The following SEC16B variants were observed in gnomAD, a reference collection of about 807,000 sequenced individuals.
SEC16B encodes the protein protein transport protein Sec16B.
In SEC16B, 115 loss-of-function variants were observed where a neutral mutation model predicts 141.8. The observed-to-expected ratio is 0.81, with a 90% CI of 0.70 to 0.95. The LOEUF is 0.95. SEC16B is among the 40% of genes least tolerant of loss of function. SEC16B has a pLI of 0.00. For missense variants in SEC16B, 1,291 were observed against 1,312.3 expected (o/e 0.98, Z 0.25); for synonymous variants, 493 against 492.5 (o/e 1.00, Z -0.01).
At chr1:177,965,791 C>G in intron 3 of SEC16B, 102 bp downstream of exon 3, 2 of 650,464 alleles carry the variant, frequency 3.1e-6, no homozygotes, top group Non-Finnish European at 5.3e-6. Flanking sequence ...AAAGGATGCC[C>G]AAGGTGAGGG....
At chr1:177,933,108 G>T in intron 22 of SEC16B, 106 bp downstream of exon 22, 3 of 872,246 alleles carry the variant, frequency 3.4e-6, no homozygotes, top group Non-Finnish European at 5.4e-6. Context: ...GTCTCATGTG[G>T]CCTGGGGTAG....
chr1:177,940,736 G>A, intron 16 of SEC16B, 22 bp from the exon 17 acceptor site: 2 of 1,563,396 alleles, frequency 1.3e-6, no homozygotes, highest in African/African-American at 1.3e-5. Flanking sequence ...TTCCAGATGG[G>A]TTAGGGGCAG....
chr1:177,942,207 A>T (rs997603297), intron 15 of SEC16B, among the ~76,000 whole-genome samples, 167 bp from the exon 16 acceptor site: 15 of 152,136 alleles, frequency 9.9e-5, no homozygotes, highest in African/African-American at 3.6e-4. Context: ...CACGGGCACA[A>T]CTCCAAATCC....
rs12129817 is a variant in SEC16B, at chr1:177,954,305, T to G, written c.1437A>C (p.Pro479=). 350,035 of 1,568,562 alleles carry G rather than the reference T, an allele frequency of 0.22. 40,285 individuals are homozygous for G. Among genetic ancestry groups the G allele is most frequent in the Non-Finnish European group, 0.23 (269,925 of 1,155,770 alleles). Residue 479 remains proline (P), a synonymous_variant, in exon 11 of 26, where the codon CCA becomes CCC. Transcript: ENST00000308284. ...CACTCATGACCCAGCTGTAGGTCTG[T>G]GGGTCCATCTTGCTGGACAGGAACA... is the stretch of plus-strand genomic sequence containing the variant. ...HALFLSSKMD[P]QTYSWVMSGF...
Position 177,944,624 on chromosome 1 carries a change from C to T in SEC16B, c.1818G>A (p.Arg606=). 1.2e-6 allele frequency: 2 copies of T among 1,613,816 alleles called. No homozygotes were observed. The highest frequency in any genetic ancestry group is 8.5e-7 in the Non-Finnish European group (1 of 1,179,806). The change falls in exon 15 of 26, where the codon AGG becomes AGA. Residue 606 remains arginine (R), a synonymous_variant. Transcript: ENST00000308284. ...LKFATTEAIQ[R]TEIFEYCQML... is the part of the protein sequence containing the mutation. ...TCTGACAGTACTCGAAGATTTCCGT[C>T]CTCTGGATTGCCTCAGTTGTTGCAA...
intron 1 of SEC16B, among the ~76,000 whole-genome samples, chr1:177,981,443 C>T (rs1466601778): frequency 6.6e-6 from 1 of 152,168 alleles, no homozygotes; most frequent in African/African-American, 2.4e-5. Flanking sequence ...ATGTTTCTCA[C>T]TGGGTTGACT....
rs1344038412 is a variant in SEC16B at position 177,960,356 on chromosome 1, T to C, written c.984A>G (p.Ser328=). ...SEEQEEMRSF[S]GPLIREDVHK... is the part of the protein sequence containing the mutation. ...CAGCACTATACCTAATCAAGGGTCC[T>C]GAGAAACTTCTCATCTCCTCTTGCT... The change falls in exon 8 of 26, where the codon TCA becomes TCG. Residue 328 remains serine (S), a synonymous_variant. Coordinates refer to ENST00000308284, the MANE Select transcript of SEC16B (RefSeq NM_033127.4). 2 of 1,602,964 alleles carry C rather than the reference T, an allele frequency of 1.2e-6. No individual in the cohort carries two copies. The highest frequency in any genetic ancestry group is 1.7e-5 in the Admixed American group (1 of 59,504).
chr1:177,962,548 G>A (rs956215981), intron 5 of SEC16B, among the ~76,000 whole-genome samples: 11 of 149,738 alleles, frequency 7.3e-5, no homozygotes. Flanking sequence ...ACCCCAAATT[G>A]CAACATAGCA....
upstream of SEC16B, among the ~76,000 whole-genome samples, chr1:177,974,917 A>T (rs2102021383): frequency 6.6e-6 from 1 of 152,330 alleles, no homozygotes; most frequent in Non-Finnish European, 1.5e-5. Flanking sequence ...CAAAAGTTAA[A>T]CCTAGCCGAG....
Position 177,944,754 on chromosome 1 carries a change from C to A in SEC16B, c.1776-88G>T, listed in dbSNP as rs1296890233. 22 of 1,078,928 alleles carry A rather than the reference C, an allele frequency of 2.0e-5. No homozygotes were observed. The Admixed American group carries it at 4.1e-4, about 20-fold the overall frequency. The allele number at this position is 1,078,928 out of a possible 1,614,324, so 66.8% of individuals were successfully genotyped here. A position where few individuals can be genotyped will look rare whatever the true frequency, so the allele number is the denominator to read the frequency against. ...GTGGCTCTCCAAACACCAGCTGCAG[C>A]CTTTCATGGGGGAGTTTCCATCCTG... On this transcript the variant is annotated intron_variant, in intron 14 of 25. Transcript: ENST00000308284.
intron 20 of SEC16B, among the ~76,000 whole-genome samples, chr1:177,935,695 G>A (rs1650785720): frequency 6.6e-6 from 1 of 150,738 alleles, no homozygotes; most frequent in Non-Finnish European, 1.5e-5. Context: ...ATTAAAGTTT[G>A]TTAAGACCTG....
Position 177,940,218 on chromosome 1 carries a change from G to T in SEC16B, c.2127+392C>A, listed in dbSNP as rs558103428. ...AGAACAAAAAGGAAAAGGCCCGGAA[G>T]TCTTTTAAGCAATTGCCCCACATTA... is the stretch of plus-strand genomic sequence containing the variant. On this transcript the variant is annotated intron_variant, in intron 17 of 25. Transcript: ENST00000308284. Among the ~76,000 whole-genome samples, 38 of 152,340 alleles carry T rather than the reference G, an allele frequency of 2.5e-4. 1 individual carries two copies. Among genetic ancestry groups the T allele is most frequent in the Middle Eastern group, 6.8e-3 (2 of 294 alleles).
chr1:177,929,704 C>A lies in SEC16B; in HGVS notation c.*154G>T. On this transcript the variant is annotated 3_prime_UTR_variant, in exon 26 of 26. Transcript: ENST00000308284. ...TGAATTGTGCTGTGTCTTGAGAGAT[C>A]CTGTCCTCTTGCCTTCTAAGTGCCC... The A allele has an allele frequency of 2.9e-6, 2 of 688,170 alleles. No homozygotes were observed. Among genetic ancestry groups the A allele is most frequent in the East Asian group, 2.7e-5 (1 of 36,752 alleles). The allele number at this position is 688,170 out of a possible 1,614,324, so 42.6% of individuals were successfully genotyped here.
intron 24 of SEC16B, 83 bp from the exon 25 acceptor site, chr1:177,930,726 G>A: frequency 1.1e-6 from 1 of 933,250 alleles, no homozygotes; most frequent in Non-Finnish European, 1.6e-6. Context: ...AGCATATCAG[G>A]ATTATTTGTT....
intron 1 of SEC16B, among the ~76,000 whole-genome samples, chr1:177,980,725 A>G (rs995512795): frequency 1.3e-5 from 2 of 151,488 alleles, no homozygotes; most frequent in East Asian, 3.9e-4. Flanking sequence ...TGCAAAGAAA[A>G]GGTATCAACC....
intron 1 of SEC16B, among the ~76,000 whole-genome samples, chr1:177,983,415 T>G (rs1220607019): frequency 6.6e-6 from 1 of 151,744 alleles, no homozygotes; most frequent in Non-Finnish European, 1.5e-5. Context: ...CATAGAGAGG[T>G]GACAATCAAA....
chr1:177,933,534 G>C lies in SEC16B; in HGVS notation c.2674C>G (p.Arg892Gly). The change falls in exon 21 of 26, where the codon CGA (arginine) becomes GGA (glycine). Residue 892 changes from arginine (R) to glycine (G), a missense_variant. Physicochemically the swap from Arg to Gly is moderately radical, Grantham distance 125. Coordinates refer to ENST00000308284, the MANE Select transcript of SEC16B (RefSeq NM_033127.4). ...SSDEADKNSP[R>G]NTAQRGKLGD... ...AGCTTGCCTCTCTGGGCAGTATTTC[G>C]GGGAGAGTTTTTATCAGCCTCATCA... is the stretch of plus-strand genomic sequence containing the variant. 1 of 1,613,884 alleles carries C rather than the reference G, an allele frequency of 6.2e-7. No individual in the cohort carries two copies. The highest frequency in any genetic ancestry group is 8.5e-7 in the Non-Finnish European group (1 of 1,179,854).
chr1:177,949,626 T>C (rs774299752), intron 12 of SEC16B, among the ~76,000 whole-genome samples: 3 of 152,112 alleles, frequency 2.0e-5, no homozygotes, highest in Non-Finnish European at 4.4e-5. Context: ...CCCTTAATTT[T>C]CACAATAACT....
upstream of SEC16B, among the ~76,000 whole-genome samples, chr1:177,971,680 T>C (rs1653961380): frequency 6.6e-6 from 1 of 152,204 alleles, no homozygotes; most frequent in Admixed American, 6.5e-5. Flanking sequence ...TAGAGGTTAT[T>C]TTAGCAACTA....
Sources: allele counts gnomAD v4.1 joint callset (sites outside exome capture counted in the v4.1 genomes callset), GRCh38; gene constraint gnomAD v4.1.1; transcripts MANE v1.5; gene names NCBI Gene and HGNC (gene_info 2026-07-23, HGNC 2026-07-21).